Variants in RALYL observed in about 807,000 individuals in gnomAD.
The protein encoded by RALYL is RNA-binding Raly-like protein.
RALYL carries 29 observed loss-of-function variants against 35.1 expected under a neutral mutation model. The ratio of observed to expected loss-of-function variants is 0.83; its 90% CI spans 0.61 to 1.13. The LOEUF is 1.13. RALYL is among the 50% of genes most tolerant of loss of function. The pLI, the probability that RALYL is intolerant of heterozygous loss-of-function variation, is 0.00. For missense variants in RALYL, 359 were observed against 360.4 expected, an observed-to-expected ratio of 1.00 and a Z score of 0.03; for synonymous variants, 120 against 127.6, an observed-to-expected ratio of 0.94 and a Z score of 0.40.
intron 2 of RALYL, among the ~76,000 whole-genome samples, chr8:84,664,069 G>C (rs563347274): frequency 6.6e-6 from 1 of 152,204 alleles, no homozygotes. Flanking sequence ...TTATTAAATA[G>C]AGAATCCTTT....
intron 1 of RALYL, among the ~76,000 whole-genome samples, chr8:84,362,607 CCTT>C (rs1188192343): frequency 3.3e-5 from 5 of 152,122 alleles, no homozygotes; most frequent in Non-Finnish European, 7.3e-5. Flanking sequence ...GTTGCACACT[CCTT>C]ATGAGAATCT....
At chr8:84,859,038 A>G (rs1837594539) in intron 5 of RALYL, among the ~76,000 whole-genome samples, 1 of 152,216 alleles carries the variant, frequency 6.6e-6, no homozygotes, top group African/African-American at 2.4e-5. Context: ...GAAAGAATGA[A>G]GTAACAAAAG....
At chr8:84,619,660 C>T (rs995034951) in intron 2 of RALYL, among the ~76,000 whole-genome samples, 6 of 150,050 alleles carry the variant, frequency 4.0e-5, no homozygotes, top group South Asian at 2.1e-4. Context: ...TTATTTTGCT[C>T]GTTAGTTGAT....
intron 2 of RALYL, among the ~76,000 whole-genome samples, chr8:84,550,946 G>A (rs1169537684): frequency 1.3e-5 from 2 of 151,364 alleles, no homozygotes; most frequent in Non-Finnish European, 3.0e-5. Context: ...CATTACCCAA[G>A]GTATAAATAT....
rs764271594 is a variant in RALYL at position 84,795,111 on chromosome 8, A to AGAT, written c.333-9658_333-9656dup. 1.4e-4 allele frequency among the ~76,000 whole-genome samples: 21 copies of AGAT among 152,338 alleles called. 1 individual carries two copies. In the Middle Eastern group the frequency reaches 0.01, roughly 74 times the overall value. On this transcript the variant is annotated intron_variant, in intron 3 of 8. Transcript: ENST00000521268. ...AGTTGAGCATGAAAGCCTTTGAAAA[A>AGAT]GATATCACAGGAAATAGAGGGGAAA... is the stretch of plus-strand genomic sequence containing the variant.
intron 1 of RALYL, among the ~76,000 whole-genome samples, chr8:84,487,241 T>G (rs1177566620): frequency 1.3e-5 from 2 of 152,090 alleles, no homozygotes; most frequent in African/African-American, 4.8e-5. Flanking sequence ...CTTAGATCAA[T>G]AAATAATTTT....
intron 4 of RALYL, among the ~76,000 whole-genome samples, chr8:84,823,894 CA>C (rs939512529): frequency 1.3e-5 from 2 of 152,042 alleles, no homozygotes; most frequent in African/African-American, 4.8e-5. Flanking sequence ...GTGACAAACC[CA>C]CTGCCAACAT....
intron 1 of RALYL, among the ~76,000 whole-genome samples, chr8:84,439,432 A>G (rs926794528): frequency 2.6e-5 from 4 of 152,154 alleles, no homozygotes; most frequent in African/African-American, 9.7e-5. Context: ...GATTAAATAT[A>G]TACTAGAAAT....
chr8:84,663,200 A>G (rs961158678), intron 2 of RALYL, among the ~76,000 whole-genome samples: 2 of 152,142 alleles, frequency 1.3e-5, no homozygotes, highest in Non-Finnish European at 1.5e-5. Context: ...TCCATGGTAT[A>G]TATGTACTAT....
At chr8:84,725,591 C>T (rs1192271587) in intron 2 of RALYL, among the ~76,000 whole-genome samples, 1 of 151,714 alleles carries the variant, frequency 6.6e-6, no homozygotes, top group Non-Finnish European at 1.5e-5. Context: ...CCTTTAATAA[C>T]AATAATTTTT....
chr8:84,619,616 G>A (rs1338935649), intron 2 of RALYL, among the ~76,000 whole-genome samples: 4 of 146,794 alleles, frequency 2.7e-5, no homozygotes, highest in Admixed American at 6.8e-5. Flanking sequence ...ATTGTTATGT[G>A]TGAATTTGAT....
chr8:84,376,000 G>A (rs1326375066), intron 1 of RALYL, among the ~76,000 whole-genome samples: 1 of 151,786 alleles, frequency 6.6e-6, no homozygotes, highest in African/African-American at 2.4e-5. Context: ...TTCCGAAAGT[G>A]AAAAGCTTCT....
intron 3 of RALYL, 54 bp from the exon 4 acceptor site, chr8:84,804,716 T>C: frequency 1.1e-6 from 1 of 951,540 alleles, no homozygotes; most frequent in South Asian, 2.6e-5. Context: ...AAAGCAATTT[T>C]TGAATATACA....
At chr8:84,478,801 C>G (rs917653862) in intron 1 of RALYL, among the ~76,000 whole-genome samples, 13 of 151,564 alleles carry the variant, frequency 8.6e-5, no homozygotes, top group Admixed American at 3.9e-4. Flanking sequence ...GGAATCAATA[C>G]ACAGGCTGGG....
rs192617133 is a variant in RALYL at position 84,469,961 on chromosome 8, G to C, written c.-23-59338G>C. 2.5e-4 allele frequency among the ~76,000 whole-genome samples: 38 copies of C among 152,246 alleles called. 1 individual carries two copies. Among genetic ancestry groups the C allele is most frequent in the South Asian group, 4.1e-4 (2 of 4,826 alleles). ...GACAGGGAACTCCCTGACCCCTTGC[G>C]CTTCCCAAGTGAGGCAATGCCTCGC... On this transcript the variant is annotated intron_variant, in intron 1 of 8. Coordinates refer to ENST00000521268, the MANE Select transcript of RALYL (RefSeq NM_173848.7).
At chr8:84,826,151 GA>G (rs1053009474) in intron 4 of RALYL, among the ~76,000 whole-genome samples, 7 of 151,986 alleles carry the variant, frequency 4.6e-5, no homozygotes, top group African/African-American at 1.7e-4. Flanking sequence ...GGAACTACTA[GA>G]GGGGGAAAGG....
At chr8:84,831,585 G>T (rs903342951) in intron 4 of RALYL, among the ~76,000 whole-genome samples, 46 of 152,010 alleles carry the variant, frequency 3.0e-4, no homozygotes, top group African/African-American at 1.0e-3. Context: ...TTTATGGAAG[G>T]GTTAAAGTGA....
intron 8 of RALYL, among the ~76,000 whole-genome samples, chr8:84,887,995 A>G (rs750448714): frequency 6.6e-6 from 1 of 152,260 alleles, no homozygotes; most frequent in African/African-American, 2.4e-5. Flanking sequence ...CAAAATAAAT[A>G]TCATGTAAGA....
intron 2 of RALYL, among the ~76,000 whole-genome samples, chr8:84,664,529 T>C (rs1318057646): frequency 6.6e-6 from 1 of 151,976 alleles, no homozygotes; most frequent in East Asian, 1.9e-4. Context: ...GTTCTCCTTG[T>C]AGAGATATTT....
Sources: allele counts gnomAD v4.1 joint callset (sites outside exome capture counted in the v4.1 genomes callset), GRCh38; gene constraint gnomAD v4.1.1; transcripts MANE v1.5; gene names NCBI Gene and HGNC (gene_info 2026-07-23, HGNC 2026-07-21).